ZFHX3: variants seen among roughly 807,000 people sequenced by gnomAD.
The protein encoded by ZFHX3 is zinc finger homeobox protein 3.
A neutral mutation model predicts 279.1 loss-of-function variants in ZFHX3; 42 were observed. The ratio of observed to expected loss-of-function variants is 0.15; its 90% CI spans 0.12 to 0.19. ZFHX3 has a LOEUF of 0.19. Ranked by LOEUF, ZFHX3 falls within the 10% of genes least tolerant of loss-of-function variation. ZFHX3 has a pLI of 1.00. For synonymous variants in ZFHX3, 2,293 were observed against 1,957.8 expected (o/e 1.17, Z -4.52); for missense variants, 4,981 against 4,754.0 (o/e 1.05, Z -1.40).
intron 5 of ZFHX3, among the ~76,000 whole-genome samples, chr16:72,823,605 T>A (rs542845559): frequency 2.0e-5 from 3 of 152,338 alleles, no homozygotes; most frequent in African/African-American, 2.4e-5. Flanking sequence ...TTGAGCCTTT[T>A]ATCCAGGGTA....
intron 1 of ZFHX3, among the ~76,000 whole-genome samples, chr16:73,768,124 C>T (rs2053974474): frequency 6.6e-6 from 1 of 152,124 alleles, no homozygotes; most frequent in Non-Finnish European, 1.5e-5. Flanking sequence ...GGAATAAACA[C>T]CCCAACCTTT....
At chr16:73,233,442 A>G (rs994814903) in intron 5 of ZFHX3, among the ~76,000 whole-genome samples, 1 of 152,198 alleles carries the variant, frequency 6.6e-6, no homozygotes, top group African/African-American at 2.4e-5. Flanking sequence ...CCTCAAATGT[A>G]CCTTCTGATA....
intron 3 of ZFHX3, among the ~76,000 whole-genome samples, chr16:72,898,786 A>G (rs1481982201): frequency 6.7e-6 from 1 of 150,056 alleles, no homozygotes; most frequent in Non-Finnish European, 1.5e-5. Context: ...TGCTTCGCCC[A>G]TAGTAAATGC....
intron 1 of ZFHX3, among the ~76,000 whole-genome samples, chr16:73,807,018 G>A (rs1013633118): frequency 3.3e-5 from 5 of 152,182 alleles, no homozygotes; most frequent in African/African-American, 9.7e-5. Flanking sequence ...AGAAGCAGGT[G>A]CAACATGAGA....
intron 1 of ZFHX3, among the ~76,000 whole-genome samples, chr16:73,705,847 C>T (rs144721914): frequency 9.8e-5 from 15 of 152,300 alleles, no homozygotes; most frequent in Admixed American, 4.6e-4. Flanking sequence ...CAATTTATGG[C>T]CCTATACATT....
chr16:73,465,296 G>C (rs1398969102), intron 2 of ZFHX3, among the ~76,000 whole-genome samples: 2 of 152,196 alleles, frequency 1.3e-5, no homozygotes, highest in African/African-American at 4.8e-5. Context: ...TCTAGATGGA[G>C]GGTCTGAGGG....
intron 3 of ZFHX3, among the ~76,000 whole-genome samples, chr16:73,440,405 A>G (rs1285448835): frequency 6.6e-6 from 1 of 152,214 alleles, no homozygotes; most frequent in African/African-American, 2.4e-5. Context: ...GAGACAGAAA[A>G]CGAACACAAG....
chr16:73,805,934 T>C (rs1339381931), intron 1 of ZFHX3, among the ~76,000 whole-genome samples: 2 of 152,184 alleles, frequency 1.3e-5, no homozygotes, highest in African/African-American at 2.4e-5. Context: ...ATTCTCAGGC[T>C]GCTAATAAAG....
At chr16:73,718,760 C>T (rs565270518) in intron 1 of ZFHX3, among the ~76,000 whole-genome samples, 76 of 151,876 alleles carry the variant, frequency 5.0e-4, no homozygotes, top group Non-Finnish European at 8.1e-4. Flanking sequence ...GGACTACAGG[C>T]GCACACCACC....
At chr16:73,300,024 A>C (rs113027340) in intron 4 of ZFHX3, among the ~76,000 whole-genome samples, 4 of 152,292 alleles carry the variant, frequency 2.6e-5, no homozygotes, top group African/African-American at 9.6e-5. Context: ...TTCAGTTAAC[A>C]AGTTTGGTGT....
In ZFHX3 at chr16:72,895,005, G is replaced by C. The variant is rs1003863056; in HGVS notation, c.3217-5043C>G. Among the ~76,000 whole-genome samples the C allele has an allele frequency of 2.0e-5, 3 of 152,322 alleles. No individual in the cohort carries two copies. In the East Asian group the frequency reaches 5.8e-4, roughly 29 times the overall value. On this transcript the variant is annotated intron_variant, in intron 3 of 9. Transcript: ENST00000268489. ...AAACAAAACAACAGCTCCAACTGTGGGCAGTGTGCTGGGATGCATGCCAAC... is the reference window on the plus strand; with the variant it reads ...AAACAAAACAACAGCTCCAACTGTGCGCAGTGTGCTGGGATGCATGCCAAC...
intron 5 of ZFHX3, among the ~76,000 whole-genome samples, chr16:73,236,033 T>G (rs2012937566): frequency 6.6e-6 from 1 of 152,246 alleles, no homozygotes; most frequent in African/African-American, 2.4e-5. Flanking sequence ...CAAAGACAGT[T>G]TTAGCCTACA....
At chr16:73,127,129 A>G in intron 7 of ZFHX3, 1 of 306,152 alleles carries the variant, frequency 3.3e-6, no homozygotes, top group Non-Finnish European at 6.4e-6. Flanking sequence ...AAGTAAAAGT[A>G]GGTGTTTATC....
chr16:72,803,235 GAC>G (rs1401180351), intron 7 of ZFHX3, among the ~76,000 whole-genome samples: 19 of 152,150 alleles, frequency 1.2e-4, no homozygotes. Context: ...GGGAGGCTGA[GAC>G]AGGAGAATTG....
At chr16:73,681,095 CTATTATT>C (rs2053005639) in intron 1 of ZFHX3, among the ~76,000 whole-genome samples, 1 of 152,070 alleles carries the variant, frequency 6.6e-6, no homozygotes, top group South Asian at 2.1e-4. Context: ...AGAGAATAAC[CTATTATT>C]TATTATTTAA....
At chr16:73,198,888 A>C (rs1375841849) in intron 5 of ZFHX3, among the ~76,000 whole-genome samples, 2 of 152,236 alleles carry the variant, frequency 1.3e-5, no homozygotes, top group Non-Finnish European at 2.9e-5. Context: ...TTTTATAAAA[A>C]ATCAGTTCTG....
In ZFHX3 at chr16:73,508,520, C is replaced by T. The variant is rs1321046579; in HGVS notation, c.-1546-52262G>A. 2.0e-5 allele frequency among the ~76,000 whole-genome samples: 3 copies of T among 152,198 alleles called. No individual in the cohort carries two copies. The East Asian group carries it at 5.8e-4, about 29-fold the overall frequency. ...GCAGCTCTTCAGCACTGTCATTACA[C>T]ACATGTGAGTTAGGAGGAGCAGAGC... On this transcript the variant is annotated intron_variant, in intron 2 of 17. Coordinates refer to the ZFHX3 transcript ENST00000641206.
intron 1 of ZFHX3, among the ~76,000 whole-genome samples, chr16:73,840,740 C>T (rs764121499): frequency 2.0e-4 from 31 of 152,186 alleles, no homozygotes; most frequent in Admixed American, 5.2e-4. Flanking sequence ...TGCAACATGC[C>T]TATAAGCTGC....
chr16:73,808,384 A>C (rs1394451279), intron 1 of ZFHX3: 1 of 152,214 alleles, frequency 6.6e-6, no homozygotes, highest in African/African-American at 2.4e-5. Context: ...AATAGTTTCA[A>C]ATATCAGACA....
Sources: allele counts gnomAD v4.1 joint callset (sites outside exome capture counted in the v4.1 genomes callset), GRCh38; gene constraint gnomAD v4.1.1; transcripts MANE v1.5; gene names NCBI Gene and HGNC (gene_info 2026-07-23, HGNC 2026-07-21).